Variants in SMG6 observed in about 807,000 individuals in gnomAD.
SMG6 encodes SMG6 nonsense mediated mRNA decay factor.
Under a neutral mutation model 142.2 loss-of-function variants are expected in SMG6, and 66 were observed. The observed-to-expected ratio is 0.46, with a 90% CI of 0.38 to 0.57. SMG6 has a LOEUF of 0.57. SMG6 is among the 20% of genes least tolerant of loss of function. The probability of loss-of-function intolerance (pLI) is 0.00; values close to 1 mark genes in which losing one functional copy is unlikely to be tolerated. For synonymous variants in SMG6, 779 were observed against 702.4 expected (o/e 1.11, Z -1.72); for missense variants, 1,793 against 1,832.0 (o/e 0.98, Z 0.39).
At chr17:2,111,769 G>A (rs1052002451) in intron 13 of SMG6, among the ~76,000 whole-genome samples, 4 of 152,218 alleles carry the variant, frequency 2.6e-5, no homozygotes, top group South Asian at 4.1e-4. Context: ...TTCTCTGATC[G>A]AAGGGCTTGT....
At chr17:2,109,542 G>C (rs1317691222) in intron 13 of SMG6, among the ~76,000 whole-genome samples, 1 of 152,158 alleles carries the variant, frequency 6.6e-6, no homozygotes, top group Non-Finnish European at 1.5e-5. Flanking sequence ...GGGATTACAG[G>C]TGTGAGCCAC....
At chr17:2,104,608 C>A (rs978122675) in intron 13 of SMG6, among the ~76,000 whole-genome samples, 1 of 150,334 alleles carries the variant, frequency 6.7e-6, no homozygotes, top group African/African-American at 2.5e-5. Flanking sequence ...ACTTCCTCTG[C>A]AATTTTCATT....
rs190819827 is a variant in SMG6, at chr17:2,215,485, T to C, written c.2869+21007A>G. On this transcript the variant is annotated intron_variant, in intron 10 of 18. Coordinates refer to ENST00000263073, the MANE Select transcript of SMG6 (RefSeq NM_017575.5). Reference sequence around the variant, plus strand: ...AAATTGAAAACTACCTAAAAACTCATGGAGAGGTTTATTTTATTAGTTCTT... The same window carrying C: ...AAATTGAAAACTACCTAAAAACTCACGGAGAGGTTTATTTTATTAGTTCTT... The C allele has an allele frequency of 1.5e-3, 224 of 152,218 alleles. 1 individual carries two copies. The highest frequency in any genetic ancestry group is 4.7e-3 in the African/African-American group (196 of 41,548). The allele number at this position is 152,218 out of a possible 1,614,324, so 9.4% of individuals were successfully genotyped here. A position where few individuals can be genotyped will look rare whatever the true frequency, so the allele number is the denominator to read the frequency against.
chr17:2,082,004 G>T, intron 14 of SMG6, 48 bp from the exon 15 acceptor site: 2 of 1,606,144 alleles, frequency 1.2e-6, no homozygotes, highest in Non-Finnish European at 8.5e-7. Context: ...AGTTAGCTGG[G>T]CCCATGGCTC....
intron 13 of SMG6, among the ~76,000 whole-genome samples, chr17:2,095,471 T>C (rs2068831352): frequency 6.6e-6 from 1 of 152,182 alleles, no homozygotes; most frequent in South Asian, 2.1e-4. Context: ...AACATGCAGT[T>C]CAGCAACATG....
At chr17:2,088,044 G>A (rs952377033) in intron 13 of SMG6, 1 of 985,482 alleles carries the variant, frequency 1.0e-6, no homozygotes, top group African/African-American at 1.7e-5. Flanking sequence ...GCTAAGGAGT[G>A]AGAAGAGGAC....
In SMG6 at chr17:2,207,144, C is replaced by T. The variant is rs1203680362; in HGVS notation, c.2870-18629G>A. On this transcript the variant is annotated intron_variant, in intron 10 of 18. Transcript: ENST00000263073. The stretch of plus-strand genomic sequence containing the variant: ...AAAAAAAAAAAAAAAAAAAAAATAG[C>T]AGGCATGGTGGTACATGCCTATAAT... 5.0e-5 allele frequency among the ~76,000 whole-genome samples: 7 copies of T among 140,036 alleles called. No homozygotes were observed. The East Asian group carries it at 1.0e-3, about 21-fold the overall frequency. The allele number at this position is 140,036 out of a possible 152,430, so 91.9% of individuals were successfully genotyped here. A position where few individuals can be genotyped will look rare whatever the true frequency, so the allele number is the denominator to read the frequency against.
At chr17:2,064,159 C>T (rs2067868393) in intron 18 of SMG6, among the ~76,000 whole-genome samples, 1 of 152,116 alleles carries the variant, frequency 6.6e-6, no homozygotes. Context: ...GAGAGAGCAG[C>T]AGAGACGGAA....
chr17:2,172,754 G>T lies in SMG6; in HGVS notation c.3261C>A (p.Thr1087=), dbSNP rs2071543863. The T allele has an allele frequency of 6.2e-7, 1 of 1,613,986 alleles. No homozygotes were observed. The highest frequency in any genetic ancestry group is 1.7e-5 in the Admixed American group (1 of 59,996). ...PLYKDPDDDL[T]LLILEEDRLL... Reference sequence around the variant, plus strand: ...GCCGATCCTCTTCCAGGATAAGAAGGGTGAGGTCATCATCCGGGTCCTTGT... The same window carrying T: ...GCCGATCCTCTTCCAGGATAAGAAGTGTGAGGTCATCATCCGGGTCCTTGT... Residue 1087 remains threonine, a synonymous_variant, in exon 13 of 19, where the codon ACC becomes ACA. Transcript: ENST00000263073.
chr17:2,207,795 C>T (rs924936461), intron 10 of SMG6, among the ~76,000 whole-genome samples: 5 of 152,108 alleles, frequency 3.3e-5, no homozygotes, highest in Non-Finnish European at 7.3e-5. Context: ...GAGAACAAAG[C>T]TCCATAAATG....
At chr17:2,133,432 A>C (rs1287472941) in intron 13 of SMG6, among the ~76,000 whole-genome samples, 1 of 152,190 alleles carries the variant, frequency 6.6e-6, no homozygotes, top group African/African-American at 2.4e-5. Flanking sequence ...GGAAAGCGCT[A>C]GACTAAATAT....
chr17:2,302,544 A>G (rs2075305494), intron 1 of SMG6, among the ~76,000 whole-genome samples: 1 of 152,248 alleles, frequency 6.6e-6, no homozygotes, highest in African/African-American at 2.4e-5. Flanking sequence ...CCGTCTCAAA[A>G]AATAATAATA....
chr17:2,262,915 G>A (rs982122879), intron 8 of SMG6, among the ~76,000 whole-genome samples: 1 of 152,024 alleles, frequency 6.6e-6, no homozygotes, highest in African/African-American at 2.4e-5. Context: ...CCTCAGAGGA[G>A]GTTTTACAGC....
chr17:2,106,964 C>T (rs934599178), intron 13 of SMG6, among the ~76,000 whole-genome samples: 1 of 152,110 alleles, frequency 6.6e-6, no homozygotes, highest in African/African-American at 2.4e-5. Flanking sequence ...GCTGGGATTA[C>T]AGGCATGTGC....
intron 15 of SMG6, among the ~76,000 whole-genome samples, chr17:2,072,500 G>A (rs1293675054): frequency 1.3e-5 from 2 of 152,192 alleles, no homozygotes; most frequent in South Asian, 2.1e-4. Flanking sequence ...CTGGGAAAGA[G>A]ATCATATACA....
Position 2,299,994 on chromosome 17 carries a change from G to A in SMG6, c.759C>T (p.Arg253=). ...RYSRSDKRRN[R]YRTRSTSSAG... ...CTGAGCTGGTGCTGCGCGTGCGGTAGCGATTCCTTCGTTTGTCTGAGCGGG... is the reference window on the plus strand; with the variant it reads ...CTGAGCTGGTGCTGCGCGTGCGGTAACGATTCCTTCGTTTGTCTGAGCGGG... The change falls in exon 2 of 19, where the codon CGC becomes CGT. Residue 253 remains arginine, a synonymous_variant. Coordinates refer to ENST00000263073, the MANE Select transcript of SMG6 (RefSeq NM_017575.5). The surrounding 1 kb of genome is among the most constrained non-coding windows in gnomAD (Gnocchi z 4.3). 1 of 1,614,136 alleles carries A rather than the reference G, an allele frequency of 6.2e-7. No individual in the cohort carries two copies. Among genetic ancestry groups the A allele is most frequent in the Non-Finnish European group, 8.5e-7 (1 of 1,180,034 alleles).
intron 12 of SMG6, among the ~76,000 whole-genome samples, chr17:2,184,464 C>A (rs1013985109): frequency 6.6e-6 from 1 of 151,380 alleles, no homozygotes; most frequent in South Asian, 2.1e-4. Context: ...TTGAGACCAG[C>A]CTGGCCAACA....
chr17:2,246,299 AGAAGT>A (rs2073925930), intron 8 of SMG6, among the ~76,000 whole-genome samples: 1 of 152,234 alleles, frequency 6.6e-6, no homozygotes, highest in African/African-American at 2.4e-5. Flanking sequence ...AGCCAGGAAG[AGAAGT>A]GAAGAATCTT....
chr17:2,138,038 G>A (rs1352029429), intron 13 of SMG6, among the ~76,000 whole-genome samples: 2 of 152,108 alleles, frequency 1.3e-5, no homozygotes, highest in African/African-American at 4.8e-5. Context: ...AGTCTTAAAG[G>A]CAGATGCAGA....
Sources: gnomAD v4.1 joint callset for allele counts (sites outside exome capture counted in the v4.1 genomes callset) on GRCh38, gnomAD v4.1.1 for gene constraint, Gnocchi (gnomAD v3.1) non-coding constraint, MANE v1.5 for transcripts, NCBI Gene and HGNC (gene_info 2026-07-23, HGNC 2026-07-21) for gene names.